The following HGFAC variants were observed in gnomAD, a reference collection of about 807,000 sequenced individuals.
HGFAC encodes HGF activator.
A neutral mutation model predicts 70.6 loss-of-function variants in HGFAC; 76 were observed. The observed-to-expected ratio is 1.08, with a 90% confidence interval of 0.89 to 1.30. The LOEUF (loss-of-function observed/expected upper bound fraction) is 1.30, where lower values mean the gene tolerates loss of function less well. Ranked by LOEUF, HGFAC falls within the 50% of genes most tolerant of loss-of-function variation. The probability of loss-of-function intolerance (pLI) is 0.00; values close to 1 mark genes in which losing one functional copy is unlikely to be tolerated. For synonymous variants in HGFAC, 464 were observed against 405.3 expected (o/e 1.14, Z -1.74); for missense variants, 1,044 against 933.7 (o/e 1.12, Z -1.54).
intron 9 of HGFAC, chr4:3,445,748 G>T (rs1276437125): frequency 1.1e-6 from 1 of 916,072 alleles, no homozygotes; most frequent in Non-Finnish European, 1.7e-6. Flanking sequence ...CTCATGTGGG[G>T]GTCTCTGACT....
intron 10 of HGFAC, 85 bp downstream of exon 10, chr4:3,446,379 C>G: frequency 4.7e-6 from 7 of 1,483,142 alleles, no homozygotes; most frequent in Non-Finnish European, 6.3e-6. Context: ...CACCCGCTTG[C>G]GGACCCCATC....
In HGFAC at chr4:3,447,559, C is replaced by T. The variant is rs1348775736; in HGVS notation, c.1423C>T (p.Gln475Ter). The change falls in exon 11 of 14, where the codon CAG becomes TAG. Residue 475 changes from glutamine to a stop codon, truncating the protein, a stop_gained. Transcript: ENST00000382774. LOFTEE classifies it high-confidence loss of function. Reference protein sequence around the residue: ...HFFNRTTDVTQTFGIEKYIPY... With the variant: ...HFFNRTTDVT ...CTTCAACCGCACGACGGACGTGACG[C>T]AGACCTTCGGCATCGAGAAGTACAT... 1 of 1,612,682 alleles carries T rather than the reference C, an allele frequency of 6.2e-7. No homozygotes were observed. The highest frequency in any genetic ancestry group is 8.5e-7 in the Non-Finnish European group (1 of 1,179,900).
At position 3,445,365 on chromosome 4, in the gene HGFAC, G is replaced by A. The variant is rs768074771; in HGVS notation, c.1102+15G>A. 3.2e-6 allele frequency: 5 copies of A among 1,549,426 alleles called. No homozygotes were observed. The highest frequency in any genetic ancestry group is 3.8e-5 in the Admixed American group (2 of 52,228). Reference sequence around the variant, plus strand: ...GGAGGCCTGCGGTGCGCGGCTGGCGGGGGGTGCTGCCTTGGGCCCCACCGA... The same window carrying A: ...GGAGGCCTGCGGTGCGCGGCTGGCGAGGGGTGCTGCCTTGGGCCCCACCGA... On this transcript the variant is annotated intron_variant, in intron 9 of 13. Coordinates refer to ENST00000382774, the MANE Select transcript of HGFAC (RefSeq NM_001528.4).
rs774968126 is a variant in HGFAC at position 3,445,281 on chromosome 4, G to C, written c.1033G>C (p.Glu345Gln). The change falls in exon 9 of 14, where the codon GAG becomes CAG. Residue 345 changes from glutamate to glutamine, a missense_variant. By Grantham distance (29) the Glu-to-Gln change is conservative. Coordinates refer to ENST00000382774, the MANE Select transcript of HGFAC (RefSeq NM_001528.4). ...GCACCGCAGGAATCCGGACAATGAC[G>C]AGAGGCCCTGGTGCTACGTGGTGAA... ...HAYCRNPDND[E>Q]RPWCYVVKDS... is the part of the protein sequence containing the mutation. 2 of 1,584,390 alleles carry C rather than the reference G, an allele frequency of 1.3e-6. No individual in the cohort carries two copies. Among genetic ancestry groups the C allele is most frequent in the Non-Finnish European group, 8.6e-7 (1 of 1,166,252 alleles).
chr4:3,447,711 G>A (rs1725565591), intron 11 of HGFAC, 80 bp downstream of exon 11: 6 of 1,584,562 alleles, frequency 3.8e-6, no homozygotes, highest in Non-Finnish European at 5.2e-6. Flanking sequence ...AGGGGCAGGA[G>A]CTGGGCAGAC....
At position 3,445,000 on chromosome 4, in the gene HGFAC, A is replaced by G. The variant is rs564886600; in HGVS notation, c.1016+7A>G. Reference sequence around the variant, plus strand: ...GCCCCCATGCCTACTGCCGGTCAGCACCACGCCGCTCCAGGCCGCCGCATG... The same window carrying G: ...GCCCCCATGCCTACTGCCGGTCAGCGCCACGCCGCTCCAGGCCGCCGCATG... On this transcript the variant is annotated splice_region_variant and intron_variant, in intron 8 of 13. Coordinates refer to ENST00000382774, the MANE Select transcript of HGFAC (RefSeq NM_001528.4). 7.0e-6 allele frequency: 11 copies of G among 1,567,096 alleles called. No individual in the cohort carries two copies. Among genetic ancestry groups the G allele is most frequent in the South Asian group, 1.2e-5 (1 of 84,106 alleles).
intron 11 of HGFAC, 117 bp from the exon 12 acceptor site, chr4:3,447,778 T>A: frequency 6.5e-7 from 1 of 1,528,628 alleles, no homozygotes; most frequent in Non-Finnish European, 8.9e-7. Context: ...CGCTCCCTTC[T>A]GGATCTCCCA....
chr4:3,443,461 C>A, intron 4 of HGFAC, 41 bp downstream of exon 4: 1 of 1,291,382 alleles, frequency 7.7e-7, no homozygotes, highest in South Asian at 1.6e-5. Flanking sequence ...GCAGGGGGCA[C>A]TGGGCCAGGC....
At chr4:3,447,266 A>C (rs1193313855) in intron 10 of HGFAC, among the ~76,000 whole-genome samples, 8 of 152,162 alleles carry the variant, frequency 5.3e-5, no homozygotes, top group Non-Finnish European at 1.2e-4. Context: ...ATGGCACCGC[A>C]CTTCAGCTCC....
chr4:3,445,017 C>G, intron 8 of HGFAC, 24 bp downstream of exon 8: 1 of 1,537,184 alleles, frequency 6.5e-7, no homozygotes, highest in Non-Finnish European at 8.7e-7. Context: ...CGCTCCAGGC[C>G]GCCGCATGCG....
chr4:3,446,415 G>A (rs1482281527), intron 10 of HGFAC, 121 bp downstream of exon 10: 28 of 1,305,422 alleles, frequency 2.1e-5, no homozygotes, highest in Middle Eastern at 2.7e-4. Context: ...ACCCCTTCCC[G>A]GGGTCCCCGG....
chr4:3,447,116 G>A (rs974780873), intron 10 of HGFAC, among the ~76,000 whole-genome samples: 2 of 152,216 alleles, frequency 1.3e-5, no homozygotes, highest in Non-Finnish European at 2.9e-5. Flanking sequence ...TGCATCTGGG[G>A]ACCCCACAAT....
In HGFAC at chr4:3,444,556, C is replaced by T. The variant is rs377448810; in HGVS notation, c.731-67C>T. ...GAAACAAGGGACAAGGGGTGGACCC[C>T]GGCCCCGACTCCGCTGTCGTGGGGC... On this transcript the variant is annotated intron_variant, in intron 6 of 13. Transcript: ENST00000382774. The T allele has an allele frequency of 6.9e-5, 104 of 1,505,484 alleles. 1 individual carries two copies. Among genetic ancestry groups the T allele is most frequent in the Admixed American group, 6.8e-4 (34 of 49,648 alleles). 93.3% of individuals were successfully genotyped at this position (1,505,484 alleles called of 1,614,324 possible).
chr4:3,444,096 C>T lies in HGFAC; in HGVS notation c.533C>T (p.Thr178Ile), dbSNP rs555694497. Residue 178 changes from threonine (T) to isoleucine (I), a missense_variant, in exon 5 of 14, where the codon ACC becomes ATC. Thr to Ile is a moderately conservative substitution (Grantham distance 89). Transcript: ENST00000382774. ...PCLNGGSCSN[T>I]QDPQSYHCSC... Reference sequence around the variant, plus strand: ...CTCAATGGAGGCTCCTGCTCCAATACCCAGGACCCCCAGTCCTATCACTGC... The same window carrying T: ...CTCAATGGAGGCTCCTGCTCCAATATCCAGGACCCCCAGTCCTATCACTGC... 3 of 1,612,112 alleles carry T rather than the reference C, an allele frequency of 1.9e-6. No individual in the cohort carries two copies. The Admixed American group carries it at 5.0e-5, about 27-fold the overall frequency.
chr4:3,445,222 G>A lies in HGFAC; in HGVS notation c.1017-43G>A, dbSNP rs757041794. 28 of 1,472,624 alleles carry A rather than the reference G, an allele frequency of 1.9e-5. No homozygotes were observed. The South Asian group carries it at 3.3e-4, about 17-fold the overall frequency. 91.2% of individuals were successfully genotyped at this position (1,472,624 alleles called of 1,614,324 possible). Reference sequence around the variant, plus strand: ...TGCCCCCTCCCCATGCCCTCTTCGAGGGGCAGTGTGACTCCCTGCCAGCCC... The same window carrying A: ...TGCCCCCTCCCCATGCCCTCTTCGAAGGGCAGTGTGACTCCCTGCCAGCCC... On this transcript the variant is annotated intron_variant, in intron 8 of 13. Transcript: ENST00000382774.
chr4:3,447,545 C>G lies in HGFAC; in HGVS notation c.1409C>G (p.Thr470Arg). Residue 470 changes from threonine (T) to arginine (R), a missense_variant, in exon 11 of 14, where the codon ACG (threonine) becomes AGG (arginine). By Grantham distance (71) the Thr-to-Arg change is moderately conservative. Coordinates refer to ENST00000382774, the MANE Select transcript of HGFAC (RefSeq NM_001528.4). ...CTGGGCCAGCACTTCTTCAACCGCA[C>G]GACGGACGTGACGCAGACCTTCGGC... ...VVLGQHFFNR[T>R]TDVTQTFGIE... 4 of 1,612,676 alleles carry G rather than the reference C, an allele frequency of 2.5e-6. No homozygotes were observed. Among genetic ancestry groups the G allele is most frequent in the Non-Finnish European group, 3.4e-6 (4 of 1,179,902 alleles).
intron 9 of HGFAC, chr4:3,445,774 G>C (rs1176016538): frequency 1.7e-6 from 2 of 1,147,336 alleles, no homozygotes; most frequent in East Asian, 2.6e-5. Context: ...GGGGCTGGCT[G>C]TGGGGTTCCG....
In HGFAC at chr4:3,441,994, C is replaced by T. The variant is rs1343801655; in HGVS notation, c.-8C>T. The T allele has an allele frequency of 6.8e-7, 1 of 1,470,430 alleles. No homozygotes were observed. Among genetic ancestry groups the T allele is most frequent in the Non-Finnish European group, 9.0e-7 (1 of 1,117,150 alleles). The allele number at this position is 1,470,430 out of a possible 1,614,324, so 91.1% of individuals were successfully genotyped here. On this transcript the variant is annotated 5_prime_UTR_variant, in exon 1 of 14. Coordinates refer to ENST00000382774, the MANE Select transcript of HGFAC (RefSeq NM_001528.4). The surrounding 1 kb of genome is among the most constrained non-coding windows in gnomAD (Gnocchi z 6.0). ...CCTCCCACTGCCCCTCAGGCCAGCTCAGGAGCCATGGGGCGCTGGGCCTGG... is the reference window on the plus strand; with the variant it reads ...CCTCCCACTGCCCCTCAGGCCAGCTTAGGAGCCATGGGGCGCTGGGCCTGG...
Position 3,444,132 on chromosome 4 carries a change from G to T in HGFAC, c.569G>T (p.Arg190Leu). The T allele has an allele frequency of 6.2e-7, 1 of 1,611,350 alleles. No homozygotes were observed. The highest frequency in any genetic ancestry group is 8.5e-7 in the Non-Finnish European group (1 of 1,179,340). Residue 190 changes from arginine to leucine, a missense_variant, in exon 5 of 14, where the codon CGG (arginine) becomes CTG (leucine). By Grantham distance (102) the Arg-to-Leu change is moderately radical (BLOSUM62 -2). Transcript: ENST00000382774. ...CAGTCCTATCACTGCAGCTGCCCCC[G>T]GGCCTTCACCGGCAAGGACTGCGGC... is the stretch of plus-strand genomic sequence containing the variant. Reference protein sequence around the residue: ...DPQSYHCSCPRAFTGKDCGTE... With the variant: ...DPQSYHCSCPLAFTGKDCGTE...
Sources: allele counts gnomAD v4.1 joint callset (sites outside exome capture counted in the v4.1 genomes callset), GRCh38; gene constraint gnomAD v4.1.1; non-coding constraint Gnocchi (gnomAD v3.1); transcripts MANE v1.5; gene names NCBI Gene and HGNC (gene_info 2026-07-23, HGNC 2026-07-21).